Variants in MS4A4A observed in about 807,000 individuals in gnomAD.
MS4A4A encodes the protein membrane spanning 4-domains A4A.
A neutral mutation model predicts 28.0 loss-of-function variants in MS4A4A; 26 were observed. The observed-to-expected ratio is 0.93, with a 90% confidence interval of 0.68 to 1.29. The LOEUF (loss-of-function observed/expected upper bound fraction) is 1.29. MS4A4A is among the 50% of genes most tolerant of loss of function. The pLI is 0.00. For missense variants in MS4A4A, 290 were observed against 293.1 expected (o/e 0.99, Z 0.08); for synonymous variants, 86 against 100.8 (o/e 0.85, Z 0.88).
chr11:60,306,007 G>A (rs1459568389), intron 5 of MS4A4A, 93 bp from the exon 6 acceptor site: 1 of 1,086,476 alleles, frequency 9.2e-7, no homozygotes, highest in Non-Finnish European at 1.4e-6. Flanking sequence ...CTCCCAGCCA[G>A]TGCTTTTTCT....
chr11:60,307,684 T>A (rs1460971284), intron 6 of MS4A4A, among the ~76,000 whole-genome samples: 1 of 152,200 alleles, frequency 6.6e-6, no homozygotes, highest in Non-Finnish European at 1.5e-5. Flanking sequence ...AGAACTCTTC[T>A]TAGTTTTGTG....
chr11:60,280,840 A>G lies in MS4A4A; in HGVS notation c.41+124A>G, dbSNP rs1382569361. 11 of 1,182,964 alleles carry G rather than the reference A, an allele frequency of 9.3e-6. No individual in the cohort carries two copies. In the East Asian group the frequency reaches 2.8e-4, roughly 30 times the overall value. 73.3% of individuals were successfully genotyped at this position (1,182,964 alleles called of 1,614,324 possible). A position where few individuals can be genotyped will look rare whatever the true frequency, so the allele number is the denominator to read the frequency against. On this transcript the variant is annotated intron_variant, in intron 1 of 6. Transcript: ENST00000337908. Reference sequence around the variant, plus strand: ...GCCACTTCCCATGACCCAAGCTGGTATTCAGGGTTGGGGTGGGTTGAGTGC... The same window carrying G: ...GCCACTTCCCATGACCCAAGCTGGTGTTCAGGGTTGGGGTGGGTTGAGTGC...
chr11:60,289,166 G>A (rs1159369043), intron 1 of MS4A4A, among the ~76,000 whole-genome samples: 1 of 152,194 alleles, frequency 6.6e-6, no homozygotes, highest in Non-Finnish European at 1.5e-5. Flanking sequence ...TCGTTTCCAA[G>A]AAGGGGCAAC....
chr11:60,280,722 T>C lies in MS4A4A; in HGVS notation c.41+6T>C. On this transcript the variant is annotated splice_donor_region_variant and intron_variant, in intron 1 of 6. Coordinates refer to ENST00000337908, the MANE Select transcript of MS4A4A (RefSeq NM_148975.3). ...CATTGCAGGCCTGAAGAAAGGTAGG[T>C]CCAGGGACTTGCCTTCCTAGGCTTT... 1.9e-6 allele frequency: 3 copies of C among 1,613,512 alleles called. No homozygotes were observed. In the Middle Eastern group the frequency reaches 5.0e-4, roughly 267 times the overall value.
Position 60,308,534 on chromosome 11 carries a change from A to T in MS4A4A, c.*356A>T, listed in dbSNP as rs1033689830. ...ATTGGCAAATAAGGTTTGGAAGCAG[A>T]AGAGCAAAAAAAAGATATTGTTAAA... is the stretch of plus-strand genomic sequence containing the variant. On this transcript the variant is annotated 3_prime_UTR_variant, in exon 7 of 7. Transcript: ENST00000337908. The T allele has an allele frequency of 4.8e-5, 9 of 188,792 alleles. No homozygotes were observed. Among genetic ancestry groups the T allele is most frequent in the Admixed American group, 1.2e-4 (2 of 16,468 alleles). 11.7% of individuals were successfully genotyped at this position (188,792 alleles called of 1,614,324 possible).
chr11:60,289,984 T>C (rs2084839376), intron 1 of MS4A4A: 1 of 288,678 alleles, frequency 3.5e-6, no homozygotes, highest in South Asian at 3.0e-5. Context: ...AAGTTATCTA[T>C]ACTCTTTACA....
intron 6 of MS4A4A, 71 bp from the exon 7 acceptor site, chr11:60,308,036 T>C: frequency 1.5e-6 from 2 of 1,304,766 alleles, no homozygotes; most frequent in Non-Finnish European, 1.1e-6. Context: ...ATGATGACTT[T>C]ATGTGGGCAG....
intron 1 of MS4A4A, among the ~76,000 whole-genome samples, chr11:60,283,240 C>A (rs781070060): frequency 4.6e-5 from 7 of 152,060 alleles, no homozygotes; most frequent in African/African-American, 1.2e-4. Flanking sequence ...CTAATTTTTG[C>A]ATTTTGTGTA....
chr11:60,299,448 C>CTTTTTTTTTTTT (rs5792179), intron 3 of MS4A4A, among the ~76,000 whole-genome samples: 1 of 113,236 alleles, frequency 8.8e-6, no homozygotes, highest in Non-Finnish European at 1.7e-5. Flanking sequence ...AATTACAATT[C>CTTTTTTTTTTTT]TTTTTTTTTT....
Position 60,300,896 on chromosome 11 carries a change from T to C in MS4A4A, c.331-105T>C, listed in dbSNP as rs1456058415. On this transcript the variant is annotated intron_variant, in intron 3 of 6. Coordinates refer to ENST00000337908, the MANE Select transcript of MS4A4A (RefSeq NM_148975.3). ...ACCTTTGTGGTTTTCTTTAAGATAA[T>C]TGGTCTGATTAACATATCTATCTAA... is the stretch of plus-strand genomic sequence containing the variant. 4 of 767,810 alleles carry C rather than the reference T, an allele frequency of 5.2e-6. No individual in the cohort carries two copies. In the African/African-American group the frequency reaches 5.5e-5, roughly 10 times the overall value. 47.6% of individuals were successfully genotyped at this position (767,810 alleles called of 1,614,324 possible).
At chr11:60,305,237 C>T (rs1468486045) in intron 5 of MS4A4A, among the ~76,000 whole-genome samples, 3 of 152,214 alleles carry the variant, frequency 2.0e-5, no homozygotes, top group Non-Finnish European at 4.4e-5. Context: ...ACTTGATGTT[C>T]ATTGTTGTAT....
chr11:60,283,421 C>A (rs1249125565), intron 1 of MS4A4A, among the ~76,000 whole-genome samples: 1 of 152,100 alleles, frequency 6.6e-6, no homozygotes, highest in African/African-American at 2.4e-5. Flanking sequence ...GACCTTCCAC[C>A]AAGAAAGGAC....
At chr11:60,302,408 A>G in intron 4 of MS4A4A, 151 bp from the exon 5 acceptor site, 1 of 767,030 alleles carries the variant, frequency 1.3e-6, no homozygotes, top group South Asian at 1.9e-5. Flanking sequence ...AAGAGATTAG[A>G]GTTGAAACCA....
rs879476315 is a variant in MS4A4A at position 60,301,025 on chromosome 11, A to G, written c.355A>G (p.Ile119Val). 2 of 1,603,318 alleles carry G rather than the reference A, an allele frequency of 1.2e-6. No homozygotes were observed. The highest frequency in any genetic ancestry group is 1.7e-6 in the Non-Finnish European group (2 of 1,176,918). The change falls in exon 4 of 7, where the codon ATT becomes GTT. Residue 119 changes from isoleucine (I) to valine (V), a missense_variant. Transcript: ENST00000337908. ...VMFIISGSLS[I>V]AAGIRTTKGL... ...GTTTATTATTTCAGGATCCTTGTCA[A>G]TTGCAGCAGGAATTAGAACTACAAA...
At chr11:60,302,781 G>A in intron 5 of MS4A4A, 64 bp downstream of exon 5, 1 of 1,445,036 alleles carries the variant, frequency 6.9e-7, no homozygotes. Flanking sequence ...GCTGGCTCTG[G>A]CAAAGACAAT....
At chr11:60,281,767 G>A (rs942364399) in intron 1 of MS4A4A, among the ~76,000 whole-genome samples, 3 of 152,120 alleles carry the variant, frequency 2.0e-5, no homozygotes, top group South Asian at 4.1e-4. Flanking sequence ...AAGAGGGAAG[G>A]GTGGTCTGGG....
At chr11:60,298,071 A>C (rs1374943023) in intron 3 of MS4A4A, among the ~76,000 whole-genome samples, 1 of 150,836 alleles carries the variant, frequency 6.6e-6, no homozygotes, top group African/African-American at 2.4e-5. Context: ...ACTATTATTA[A>C]TATTACATTA....
intron 5 of MS4A4A, among the ~76,000 whole-genome samples, chr11:60,305,300 A>T (rs1222565354): frequency 6.6e-6 from 1 of 152,256 alleles, no homozygotes; most frequent in Non-Finnish European, 1.5e-5. Context: ...GTCTTAAGAC[A>T]ACACAGTTTG....
intron 4 of MS4A4A, among the ~76,000 whole-genome samples, 169 bp from the exon 5 acceptor site, chr11:60,302,390 G>A (rs959866996): frequency 1.3e-5 from 2 of 152,194 alleles, no homozygotes; most frequent in African/African-American, 4.8e-5. Context: ...TCATGTTTGT[G>A]TTTTGCCAAG....
Sources: allele counts gnomAD v4.1 joint callset (sites outside exome capture counted in the v4.1 genomes callset), GRCh38; gene constraint gnomAD v4.1.1; transcripts MANE v1.5; gene names NCBI Gene and HGNC (gene_info 2026-07-23, HGNC 2026-07-21).